MLYCD: variants seen among roughly 807,000 people sequenced by gnomAD.
The protein encoded by MLYCD is malonyl-CoA decarboxylase, also known as malonyl-CoA decarboxylase, mitochondrial.
MLYCD carries 27 observed loss-of-function variants against 35.8 expected under a neutral mutation model. The ratio of observed to expected loss-of-function variants is 0.75; its 90% CI spans 0.56 to 1.04. The LOEUF is 1.04. Ranked by LOEUF, MLYCD falls within the 50% of genes least tolerant of loss-of-function variation. The pLI is 0.00. For synonymous variants in MLYCD, 403 were observed against 302.4 expected (o/e 1.33, Z -3.45); for missense variants, 917 against 665.1 (o/e 1.38, Z -4.17).
rs1907753639 is a variant in MLYCD, at chr16:83,924,703, CAG to C, written c.*9220_*9221del. 2.6e-5 allele frequency: 4 copies of C among 152,178 alleles called. No individual in the cohort carries two copies. Among genetic ancestry groups the C allele is most frequent in the African/African-American group, 9.7e-5 (4 of 41,438 alleles). The allele number at this position is 152,178 out of a possible 1,614,324, so 9.4% of individuals were successfully genotyped here. On this transcript the variant is annotated 3_prime_UTR_variant, in exon 5 of 5. Transcript: ENST00000262430. ...CATGTTTATTTAAGCGGCGCTGCTC[CAG>C]AGAGAACTGGCCATTTGCAGTCTCC...
chr16:83,915,622 C>G lies in MLYCD; in HGVS notation c.*133C>G. The G allele has an allele frequency of 1.3e-5, 20 of 1,527,060 alleles. No homozygotes were observed. Among genetic ancestry groups the G allele is most frequent in the Non-Finnish European group, 1.7e-5 (19 of 1,142,322 alleles). The allele number at this position is 1,527,060 out of a possible 1,614,324, so 94.6% of individuals were successfully genotyped here. On this transcript the variant is annotated 3_prime_UTR_variant, in exon 5 of 5. Transcript: ENST00000262430. ...ACTGTGTTCTTGTCCCGCAGCCGGTCCACACTGTGAGGCCAGGCCTCAACT... is the reference window on the plus strand; with the variant it reads ...ACTGTGTTCTTGTCCCGCAGCCGGTGCACACTGTGAGGCCAGGCCTCAACT...
chr16:83,904,447 C>G lies in MLYCD; in HGVS notation c.529-2540C>G, dbSNP rs150171803. Reference sequence around the variant, plus strand: ...GATTAAGAATTGCTATAGTCAAATGCAGAAAGTACAGTTTTACAAAGGGCC... The same window carrying G: ...GATTAAGAATTGCTATAGTCAAATGGAGAAAGTACAGTTTTACAAAGGGCC... On this transcript the variant is annotated intron_variant, in intron 1 of 4. Coordinates refer to ENST00000262430, the MANE Select transcript of MLYCD (RefSeq NM_012213.3). Among the ~76,000 whole-genome samples the G allele has an allele frequency of 5.7e-4, 87 of 152,298 alleles. No individual in the cohort carries two copies. The Middle Eastern group carries it at 0.02, about 36-fold the overall frequency.
rs1434643738 is a variant in MLYCD, at chr16:83,915,464, A to G, written c.1457A>G (p.Gln486Arg). The change falls in exon 5 of 5, where the codon CAG (glutamine) becomes CGG (arginine). Residue 486 changes from glutamine to arginine, a missense_variant. Coordinates refer to ENST00000262430, the MANE Select transcript of MLYCD (RefSeq NM_012213.3). The stretch of plus-strand genomic sequence containing the variant: ...GAGCAGGTCCTCAGCCTAGTGGCCC[A>G]GTTTCAAAAGAACAGCAAGCTCTGA... ...ASEQVLSLVA[Q>R]FQKNSKL 6.2e-7 allele frequency: 1 copy of G among 1,612,766 alleles called. No individual in the cohort carries two copies.
At position 83,926,157 on chromosome 16, in the gene MLYCD, C is replaced by G. The variant is rs1156368551; in HGVS notation, c.*10668C>G. Reference sequence around the variant, plus strand: ...CTTTCTGGCCACGCCTGGCCCTGGTCTGGCCTCCCCAAGGAGCCCTGCCGC... The same window carrying G: ...CTTTCTGGCCACGCCTGGCCCTGGTGTGGCCTCCCCAAGGAGCCCTGCCGC... On this transcript the variant is annotated 3_prime_UTR_variant, in exon 5 of 5. Coordinates refer to ENST00000262430, the MANE Select transcript of MLYCD (RefSeq NM_012213.3). The G allele has an allele frequency of 6.6e-6, 1 of 152,370 alleles. No homozygotes were observed. Among genetic ancestry groups the G allele is most frequent in the African/African-American group, 2.4e-5 (1 of 41,474 alleles). 9.4% of individuals were successfully genotyped at this position (152,370 alleles called of 1,614,324 possible). A position where few individuals can be genotyped will look rare whatever the true frequency, so the allele number is the denominator to read the frequency against.
At chr16:83,900,893 G>A (rs190373659) in intron 1 of MLYCD, among the ~76,000 whole-genome samples, 6 of 152,190 alleles carry the variant, frequency 3.9e-5, no homozygotes, top group Non-Finnish European at 7.3e-5. Flanking sequence ...AATTCAGAGC[G>A]AAAAGCTCTT....
At chr16:83,911,376 G>T (rs552644763) in intron 3 of MLYCD, among the ~76,000 whole-genome samples, 3 of 152,338 alleles carry the variant, frequency 2.0e-5, no homozygotes, top group South Asian at 4.1e-4. Context: ...AGAATCGAAG[G>T]TCGCTGGTAG....
chr16:83,911,546 A>ATCG, intron 3 of MLYCD: 1 of 153,340 alleles, frequency 6.5e-6, no homozygotes, highest in Admixed American at 6.5e-5. Context: ...CGCTGCCGTG[A>ATCG]GAATGAGAGG....
chr16:83,900,175 A>C (rs1310245376), intron 1 of MLYCD, among the ~76,000 whole-genome samples: 1 of 152,088 alleles, frequency 6.6e-6, no homozygotes, highest in African/African-American at 2.4e-5. Flanking sequence ...CACCACCACC[A>C]CCCAGGAGTC....
chr16:83,919,458 A>AAC lies in MLYCD; in HGVS notation c.*3973_*3974dup, dbSNP rs1162233993. On this transcript the variant is annotated 3_prime_UTR_variant, in exon 5 of 5. Coordinates refer to ENST00000262430, the MANE Select transcript of MLYCD (RefSeq NM_012213.3). ...AACATGCACACACAGTGCACAGGAG[A>AAC]ACACAGTGCACAGGAGAACACACAG... 6.8e-6 allele frequency: 1 copy of AAC among 147,508 alleles called. No individual in the cohort carries two copies. The highest frequency in any genetic ancestry group is 2.6e-5 in the African/African-American group (1 of 39,160). The allele number at this position is 147,508 out of a possible 1,614,324, so 9.1% of individuals were successfully genotyped here. A position where few individuals can be genotyped will look rare whatever the true frequency, so the allele number is the denominator to read the frequency against.
Position 83,922,531 on chromosome 16 carries a change from A to T in MLYCD, c.*7042A>T, listed in dbSNP as rs893880070. 6.6e-6 allele frequency: 1 copy of T among 152,264 alleles called. No individual in the cohort carries two copies. The highest frequency in any genetic ancestry group is 2.4e-5 in the African/African-American group (1 of 41,464). The allele number at this position is 152,264 out of a possible 1,614,324, so 9.4% of individuals were successfully genotyped here. On this transcript the variant is annotated 3_prime_UTR_variant, in exon 5 of 5. Transcript: ENST00000262430. ...TTGGCTCCGGCCAGTGCCCAGTTCA[A>T]ATGCTGGCCCCACCACTTCCAGCTG...
rs567096055 is a variant in MLYCD, at chr16:83,917,112, CTG to C, written c.*1628_*1629del. ...AGCGTCTCTGTGGATCAGTGCACGTCTGTGTGCGTGTGCACGAGCGTTCTATG... is the reference window on the plus strand; with the variant it reads ...AGCGTCTCTGTGGATCAGTGCACGTCTGTGCGTGTGCACGAGCGTTCTATG... On this transcript the variant is annotated 3_prime_UTR_variant, in exon 5 of 5. Transcript: ENST00000262430. 1 of 33,984 alleles carries C rather than the reference CTG, an allele frequency of 2.9e-5. No homozygotes were observed. The highest frequency in any genetic ancestry group is 5.2e-5 in the Non-Finnish European group (1 of 19,106). 2.1% of individuals were successfully genotyped at this position (33,984 alleles called of 1,614,324 possible).
At chr16:83,902,155 G>GTGTGTGTATATATATA (rs1555537769) in intron 1 of MLYCD, among the ~76,000 whole-genome samples, 1 of 87,318 alleles carries the variant, frequency 1.1e-5, no homozygotes, top group African/African-American at 4.6e-5. Flanking sequence ...GTGTGCGTGC[G>GTGTGTGTATATATATA]TATATATATA....
Position 83,915,851 on chromosome 16 carries a change from C to T in MLYCD, c.*362C>T. 8.3e-7 allele frequency: 1 copy of T among 1,208,460 alleles called. No homozygotes were observed. The highest frequency in any genetic ancestry group is 1.7e-5 in the South Asian group (1 of 57,352). The allele number at this position is 1,208,460 out of a possible 1,614,324, so 74.9% of individuals were successfully genotyped here. A position where few individuals can be genotyped will look rare whatever the true frequency, so the allele number is the denominator to read the frequency against. On this transcript the variant is annotated 3_prime_UTR_variant, in exon 5 of 5. Transcript: ENST00000262430. Reference sequence around the variant, plus strand: ...TTGCCATCCCAGGGGGATCTGGCATCCTCCTAAGGACCGGGGCGCGTGGCC... The same window carrying T: ...TTGCCATCCCAGGGGGATCTGGCATTCTCCTAAGGACCGGGGCGCGTGGCC...
chr16:83,899,316 G>T lies in MLYCD; in HGVS notation c.172G>T (p.Glu58Ter). ...GCCGACGCCGGCCTACGAGCTGCGCGAGAAGACACCGGCGCCCGCCGAGGG... is the reference window on the plus strand; with the variant it reads ...GCCGACGCCGGCCTACGAGCTGCGCTAGAAGACACCGGCGCCCGCCGAGGG... Reference protein sequence around the residue: ...VPPTPAYELREKTPAPAEGQC... With the variant: ...VPPTPAYELR Residue 58 changes from glutamate (E) to a stop codon, truncating the protein, a stop_gained, in exon 1 of 5, where the codon GAG (glutamate) becomes TAG (stop). Transcript: ENST00000262430. LOFTEE classifies it high-confidence loss of function. 1 of 1,497,666 alleles carries T rather than the reference G, an allele frequency of 6.7e-7. No individual in the cohort carries two copies. Among genetic ancestry groups the T allele is most frequent in the Non-Finnish European group, 8.8e-7 (1 of 1,130,482 alleles). The allele number at this position is 1,497,666 out of a possible 1,614,324, so 92.8% of individuals were successfully genotyped here.
intron 4 of MLYCD, chr16:83,914,485 A>C (rs974948530): frequency 4.0e-6 from 1 of 247,958 alleles, no homozygotes; most frequent in African/African-American, 2.3e-5. Context: ...CCCACTGGCC[A>C]GCTGTCTGGT....
chr16:83,921,382 G>T lies in MLYCD; in HGVS notation c.*5893G>T, dbSNP rs1907648301. Reference sequence around the variant, plus strand: ...AGGAGGATGGATGGATGGATGGATGGATAGATGGATGGAGGAGGGTGGATG... The same window carrying T: ...AGGAGGATGGATGGATGGATGGATGTATAGATGGATGGAGGAGGGTGGATG... On this transcript the variant is annotated 3_prime_UTR_variant, in exon 5 of 5. Coordinates refer to ENST00000262430, the MANE Select transcript of MLYCD (RefSeq NM_012213.3). The T allele has an allele frequency of 7.2e-6, 1 of 139,336 alleles. No individual in the cohort carries two copies. The highest frequency in any genetic ancestry group is 1.5e-5 in the Non-Finnish European group (1 of 64,952). The allele number at this position is 139,336 out of a possible 1,614,324, so 8.6% of individuals were successfully genotyped here.
In MLYCD at chr16:83,899,399, C is replaced by T; in HGVS notation, c.255C>T (p.Ala85=). 1 of 1,525,996 alleles carries T rather than the reference C, an allele frequency of 6.6e-7. No individual in the cohort carries two copies. Among genetic ancestry groups the T allele is most frequent in the East Asian group, 2.6e-5 (1 of 37,858 alleles). 94.5% of individuals were successfully genotyped at this position (1,525,996 alleles called of 1,614,324 possible). Residue 85 remains alanine, a synonymous_variant, in exon 1 of 5, where the codon GCC becomes GCT. Transcript: ENST00000262430. ...GGCTGGCCGAGACGGCCCAGCGGGCCGAACTGCTGGGCCGCCTGGCGCGGG... is the reference window on the plus strand; with the variant it reads ...GGCTGGCCGAGACGGCCCAGCGGGCTGAACTGCTGGGCCGCCTGGCGCGGG... ...YGGLAETAQR[A]ELLGRLARGF...
Position 83,899,408 on chromosome 16 carries a change from G to C in MLYCD, c.264G>C (p.Leu88=). Reference sequence around the variant, plus strand: ...AGACGGCCCAGCGGGCCGAACTGCTGGGCCGCCTGGCGCGGGGCTTCGGCG... The same window carrying C: ...AGACGGCCCAGCGGGCCGAACTGCTCGGCCGCCTGGCGCGGGGCTTCGGCG... ...LAETAQRAEL[L]GRLARGFGVD... The change falls in exon 1 of 5, where the codon CTG becomes CTC. Residue 88 remains leucine, a synonymous_variant. Coordinates refer to ENST00000262430, the MANE Select transcript of MLYCD (RefSeq NM_012213.3). 6.6e-7 allele frequency: 1 copy of C among 1,518,558 alleles called. No homozygotes were observed. Among genetic ancestry groups the C allele is most frequent in the Non-Finnish European group, 8.8e-7 (1 of 1,142,276 alleles). 94.1% of individuals were successfully genotyped at this position (1,518,558 alleles called of 1,614,324 possible). A position where few individuals can be genotyped will look rare whatever the true frequency, so the allele number is the denominator to read the frequency against.
intron 3 of MLYCD, among the ~76,000 whole-genome samples, chr16:83,910,898 G>C (rs562405565): frequency 7.9e-5 from 12 of 152,306 alleles, no homozygotes; most frequent in Admixed American, 3.9e-4. Context: ...ACCCTGTTAA[G>C]AATCTGGAGG....
Sources: allele counts gnomAD v4.1 joint callset (sites outside exome capture counted in the v4.1 genomes callset), GRCh38; gene constraint gnomAD v4.1.1; transcripts MANE v1.5; gene names NCBI Gene and HGNC (gene_info 2026-07-23, HGNC 2026-07-21).